Variants in AUTS2 observed in about 807,000 individuals in gnomAD.
AUTS2 encodes autism susceptibility gene 2 protein.
In AUTS2, 17 loss-of-function variants were observed where a neutral mutation model predicts 112.4. The ratio of observed to expected loss-of-function variants is 0.15; its 90% CI spans 0.10 to 0.23. The LOEUF (loss-of-function observed/expected upper bound fraction) is 0.23. Among genes scored for constraint, AUTS2 ranks in the 10% least tolerant of loss-of-function variants. AUTS2 has a pLI of 1.00. For missense variants in AUTS2, 1,510 were observed against 1,701.6 expected (o/e 0.89, Z 1.98); for synonymous variants, 751 against 702.7 (o/e 1.07, Z -1.09).
intron 5 of AUTS2, among the ~76,000 whole-genome samples, chr7:70,509,358 A>G (rs1447518737): frequency 6.6e-6 from 1 of 152,250 alleles, no homozygotes; most frequent in Non-Finnish European, 1.5e-5. Flanking sequence ...ATGAGAGATT[A>G]TAAGGTATTC....
chr7:70,746,240 G>A (rs920155329), intron 6 of AUTS2, among the ~76,000 whole-genome samples: 34 of 152,128 alleles, frequency 2.2e-4, no homozygotes, highest in African/African-American at 7.5e-4. Flanking sequence ...TCCGCCTCCC[G>A]GTTCAAGCGA....
At chr7:70,532,232 A>T (rs1800126971) in intron 5 of AUTS2, among the ~76,000 whole-genome samples, 1 of 152,214 alleles carries the variant, frequency 6.6e-6, no homozygotes, top group African/African-American at 2.4e-5. Flanking sequence ...AATGCAAGTC[A>T]CAAAACTGGC....
chr7:70,745,849 G>T (rs1788418278), intron 6 of AUTS2, among the ~76,000 whole-genome samples: 1 of 152,018 alleles, frequency 6.6e-6, no homozygotes, highest in South Asian at 2.1e-4. Flanking sequence ...TTATTTTATT[G>T]CAGTATGATG....
At chr7:70,372,673 A>G (rs573743495) in intron 4 of AUTS2, among the ~76,000 whole-genome samples, 2 of 129,644 alleles carry the variant, frequency 1.5e-5, no homozygotes, top group African/African-American at 6.2e-5. Context: ...TTTTTTTTTT[A>G]AAATACAAGT....
chr7:70,609,959 T>TTTGTTGTTGTTG (rs200432278), intron 5 of AUTS2, among the ~76,000 whole-genome samples: 19 of 122,970 alleles, frequency 1.5e-4, no homozygotes, highest in South Asian at 1.4e-3. Context: ...AGTTCTGTTT[T>TTTGTTGTTGTTG]TTGTTGTTGT....
At chr7:70,379,757 A>G (rs894659580) in intron 4 of AUTS2, among the ~76,000 whole-genome samples, 2 of 152,226 alleles carry the variant, frequency 1.3e-5, no homozygotes, top group African/African-American at 2.4e-5. Context: ...GACTGAATTT[A>G]TTAATCTTCA....
At chr7:70,787,542 CG>C in intron 18 of AUTS2, 111 bp downstream of exon 18, 1 of 743,812 alleles carries the variant, frequency 1.3e-6, no homozygotes, top group South Asian at 1.9e-5. Flanking sequence ...TTAGCCGCCC[CG>C]GTAGCCTCAG....
chr7:69,820,611 G>A (rs1347931821), intron 1 of AUTS2, among the ~76,000 whole-genome samples: 2 of 152,250 alleles, frequency 1.3e-5, no homozygotes, highest in Admixed American at 6.5e-5. Context: ...GTGCTTTATA[G>A]CAGGATGCTA....
At chr7:70,354,426 C>G (rs1467025426) in intron 4 of AUTS2, among the ~76,000 whole-genome samples, 1 of 152,204 alleles carries the variant, frequency 6.6e-6, no homozygotes, top group Non-Finnish European at 1.5e-5. Flanking sequence ...CAACTAACAG[C>G]TACTAAGTGC....
At chr7:70,776,760 T>A (rs1790724838) in intron 13 of AUTS2, 1 of 373,708 alleles carries the variant, frequency 2.7e-6, no homozygotes, top group Non-Finnish European at 5.0e-6. Flanking sequence ...TAAGTAGGGC[T>A]TCCCACTCTA....
intron 5 of AUTS2, among the ~76,000 whole-genome samples, chr7:70,649,896 C>T (rs926606131): frequency 3.3e-5 from 5 of 152,130 alleles, no homozygotes; most frequent in African/African-American, 1.2e-4. Context: ...AACAATGGGC[C>T]TCAATCATGT....
intron 1 of AUTS2, among the ~76,000 whole-genome samples, chr7:69,680,332 A>G (rs1796735420): frequency 6.6e-6 from 1 of 152,248 alleles, no homozygotes; most frequent in Non-Finnish European, 1.5e-5. Flanking sequence ...TGATTCAATT[A>G]CTTGCATGAA....
intron 4 of AUTS2, among the ~76,000 whole-genome samples, chr7:70,399,340 C>T (rs769543060): frequency 1.3e-5 from 2 of 152,078 alleles, no homozygotes; most frequent in Non-Finnish European, 2.9e-5. Flanking sequence ...TCATAGATTT[C>T]CAATATTACG....
intron 6 of AUTS2, among the ~76,000 whole-genome samples, chr7:70,720,891 A>T (rs1407696672): frequency 6.6e-6 from 1 of 152,170 alleles, no homozygotes; most frequent in East Asian, 1.9e-4. Context: ...GAAGAAGCAG[A>T]TTGTGAACTG....
At chr7:70,594,029 G>A (rs1207962237) in intron 5 of AUTS2, among the ~76,000 whole-genome samples, 1 of 152,204 alleles carries the variant, frequency 6.6e-6, no homozygotes, top group Non-Finnish European at 1.5e-5. Context: ...TCAGTGTTGT[G>A]CCCTCAAGTG....
chr7:69,975,797 C>T (rs1378623929), intron 2 of AUTS2, among the ~76,000 whole-genome samples: 3 of 151,822 alleles, frequency 2.0e-5, no homozygotes, highest in African/African-American at 4.8e-5. Context: ...AAGCAATTCT[C>T]GGGTCTCAGC....
At chr7:70,257,755 G>C (rs1180662289) in intron 4 of AUTS2, among the ~76,000 whole-genome samples, 1 of 151,888 alleles carries the variant, frequency 6.6e-6, no homozygotes, top group African/African-American at 2.4e-5. Context: ...ATCATGCCCA[G>C]CCTGCCTATC....
chr7:69,926,494 C>T (rs1369492249), intron 2 of AUTS2, among the ~76,000 whole-genome samples: 1 of 136,086 alleles, frequency 7.3e-6, no homozygotes, highest in Admixed American at 7.3e-5. Flanking sequence ...TATCTATCTG[C>T]CTGCCTACCT....
chr7:70,486,837 G>A (rs563320265), intron 5 of AUTS2, among the ~76,000 whole-genome samples: 3 of 151,924 alleles, frequency 2.0e-5, no homozygotes, highest in African/African-American at 7.2e-5. Flanking sequence ...GGTGCTGGTG[G>A]TGGTGGTGGT....
Sources: gnomAD v4.1 joint callset for allele counts (sites outside exome capture counted in the v4.1 genomes callset) on GRCh38, gnomAD v4.1.1 for gene constraint, MANE v1.5 for transcripts, NCBI Gene and HGNC (gene_info 2026-07-23, HGNC 2026-07-21) for gene names.